HPGDS: variants seen among roughly 807,000 people sequenced by gnomAD.
HPGDS encodes hematopoietic prostaglandin D synthase.
HPGDS carries 26 observed loss-of-function variants against 23.1 expected under a neutral mutation model. The observed-to-expected ratio is 1.13, with a 90% CI of 0.83 to 1.56. The LOEUF is 1.56. Ranked by LOEUF, HPGDS falls within the 40% of genes most tolerant of loss-of-function variation. HPGDS has a pLI of 0.00. For missense variants in HPGDS, 268 were observed against 236.4 expected (o/e 1.13, Z -0.88); for synonymous variants, 95 against 77.9 (o/e 1.22, Z -1.16).
chr4:94,323,488 G>C (rs1756560204), intron 2 of HPGDS, among the ~76,000 whole-genome samples: 1 of 152,160 alleles, frequency 6.6e-6, no homozygotes, highest in African/African-American at 2.4e-5. Context: ...AGCTCTTCTT[G>C]TTGAATTGAT....
intron 3 of HPGDS, among the ~76,000 whole-genome samples, chr4:94,315,458 G>C (rs1393831080): frequency 6.6e-6 from 1 of 152,056 alleles, no homozygotes; most frequent in African/African-American, 2.4e-5. Flanking sequence ...TTTCTGACTG[G>C]AGACTAAAAT....
At chr4:94,307,464 C>T (rs1285245722) in intron 4 of HPGDS, among the ~76,000 whole-genome samples, 1 of 152,068 alleles carries the variant, frequency 6.6e-6, no homozygotes, top group Non-Finnish European at 1.5e-5. Context: ...ATCAAGCCTT[C>T]ATTTTAACTT....
rs144097434 is a variant in HPGDS at position 94,306,622 on chromosome 4, G to A, written c.336+2012C>T. 2.8e-3 allele frequency among the ~76,000 whole-genome samples: 426 copies of A among 152,192 alleles called. 1 individual carries two copies. Among genetic ancestry groups the A allele is most frequent in the African/African-American group, 9.1e-3 (377 of 41,546 alleles). On this transcript the variant is annotated intron_variant, in intron 4 of 5. Transcript: ENST00000295256. The stretch of plus-strand genomic sequence containing the variant: ...GGTGGAAAACTATTAAGCGGTTTTA[G>A]CATGGGATGTTCTTCATTTTACATT...
chr4:94,320,979 A>G (rs1756496397), intron 2 of HPGDS, among the ~76,000 whole-genome samples: 1 of 152,126 alleles, frequency 6.6e-6, no homozygotes, highest in African/African-American at 2.4e-5. Flanking sequence ...CTTTCTCCAT[A>G]TGGCTAGCCA....
At chr4:94,314,280 T>G (rs1185622973) in intron 3 of HPGDS, among the ~76,000 whole-genome samples, 9 of 152,210 alleles carry the variant, frequency 5.9e-5, no homozygotes, top group Admixed American at 5.9e-4. Context: ...TTATCTACCT[T>G]TAGTCTTTGA....
Position 94,298,766 on chromosome 4 carries a change from C to G in HPGDS, c.*714G>C, listed in dbSNP as rs1481771321. 2.0e-5 allele frequency: 3 copies of G among 152,110 alleles called. No homozygotes were observed. In the South Asian group the frequency reaches 6.2e-4, roughly 32 times the overall value. 9.4% of individuals were successfully genotyped at this position (152,110 alleles called of 1,614,324 possible). On this transcript the variant is annotated 3_prime_UTR_variant, in exon 6 of 6. Transcript: ENST00000295256. Reference sequence around the variant, plus strand: ...AGTTTCTCTGGCTGCATATCTAGAGCCTTTTGAGCCGTGTCAGATTCCCAC... The same window carrying G: ...AGTTTCTCTGGCTGCATATCTAGAGGCTTTTGAGCCGTGTCAGATTCCCAC...
intron 5 of HPGDS, among the ~76,000 whole-genome samples, 191 bp from the exon 6 acceptor site, chr4:94,299,835 A>T (rs934964387): frequency 3.9e-5 from 6 of 152,208 alleles, no homozygotes; most frequent in Non-Finnish European, 7.3e-5. Flanking sequence ...ACTACTATTA[A>T]ACATTTTCGT....
At chr4:94,330,889 A>G (rs1418179161) in intron 2 of HPGDS, among the ~76,000 whole-genome samples, 1 of 152,230 alleles carries the variant, frequency 6.6e-6, no homozygotes, top group Non-Finnish European at 1.5e-5. Context: ...TAACTGAGCA[A>G]TGAACGATTT....
At chr4:94,311,428 G>C (rs1756270042) in intron 3 of HPGDS, among the ~76,000 whole-genome samples, 1 of 151,204 alleles carries the variant, frequency 6.6e-6, no homozygotes, top group Non-Finnish European at 1.5e-5. Flanking sequence ...GTGTTTATAT[G>C]CTGGATTACG....
At chr4:94,308,556 A>C in intron 4 of HPGDS, 78 bp downstream of exon 4, 1 of 671,588 alleles carries the variant, frequency 1.5e-6, no homozygotes, top group Non-Finnish European at 2.6e-6. Flanking sequence ...GATATTAAGG[A>C]ACTTTCTAAG....
In HPGDS at chr4:94,334,665, T is replaced by C. The variant is rs750287000; in HGVS notation, c.-9-27A>G. ...TGGAAAAAGAAAAAGGGAGGGATTATTTTAAGAGCCCTCTAGAGATGCCTC... is the reference window on the plus strand; with the variant it reads ...TGGAAAAAGAAAAAGGGAGGGATTACTTTAAGAGCCCTCTAGAGATGCCTC... On this transcript the variant is annotated intron_variant, in intron 1 of 5. Transcript: ENST00000295256. 1.1e-5 allele frequency: 17 copies of C among 1,601,746 alleles called. No homozygotes were observed. The East Asian group carries it at 3.6e-4, about 34-fold the overall frequency.
intron 1 of HPGDS, among the ~76,000 whole-genome samples, chr4:94,337,039 A>G (rs1721035354): frequency 6.6e-6 from 1 of 152,142 alleles, no homozygotes; most frequent in South Asian, 2.1e-4. Context: ...ATCTGGGCTC[A>G]CTGCAACCTC....
At chr4:94,310,199 C>G (rs1756235809) in intron 3 of HPGDS, among the ~76,000 whole-genome samples, 1 of 152,096 alleles carries the variant, frequency 6.6e-6, no homozygotes, top group African/African-American at 2.4e-5. Flanking sequence ...ACATGAAGTC[C>G]CTGCCCATGC....
chr4:94,331,900 C>T (rs1262684370), intron 2 of HPGDS, among the ~76,000 whole-genome samples: 2 of 152,126 alleles, frequency 1.3e-5, no homozygotes, highest in African/African-American at 4.8e-5. Context: ...AGTGAAACCC[C>T]ACCTTCAAGC....
intron 4 of HPGDS, among the ~76,000 whole-genome samples, chr4:94,306,595 T>C (rs1413187738): frequency 6.6e-6 from 1 of 152,012 alleles, no homozygotes; most frequent in Non-Finnish European, 1.5e-5. Flanking sequence ...AAAATGAGGA[T>C]TGGTGGAAAA....
intron 4 of HPGDS, 67 bp from the exon 5 acceptor site, chr4:94,302,311 G>A: frequency 9.5e-7 from 1 of 1,051,464 alleles, no homozygotes; most frequent in South Asian, 1.4e-5. Flanking sequence ...TGAGGAGGAA[G>A]TAGATTTCTC....
At chr4:94,320,276 C>T (rs1418899150) in intron 2 of HPGDS, among the ~76,000 whole-genome samples, 1 of 152,094 alleles carries the variant, frequency 6.6e-6, no homozygotes, top group African/African-American at 2.4e-5. Flanking sequence ...GGTATATGCC[C>T]AGTAATGGGA....
At chr4:94,323,875 G>A (rs1756572377) in intron 2 of HPGDS, among the ~76,000 whole-genome samples, 1 of 152,100 alleles carries the variant, frequency 6.6e-6, no homozygotes, top group African/African-American at 2.4e-5. Context: ...TTACAATTTG[G>A]CATGTTTTTG....
intron 3 of HPGDS, among the ~76,000 whole-genome samples, chr4:94,314,904 G>A (rs975086231): frequency 2.6e-5 from 4 of 152,214 alleles, no homozygotes; most frequent in East Asian, 1.9e-4. Flanking sequence ...TGCTAGCAAT[G>A]AGCAAGGCTC....
Sources: allele counts gnomAD v4.1 joint callset (sites outside exome capture counted in the v4.1 genomes callset), GRCh38; gene constraint gnomAD v4.1.1; transcripts MANE v1.5; gene names NCBI Gene and HGNC (gene_info 2026-07-23, HGNC 2026-07-21).